The following XYLT1 variants were observed in gnomAD, a reference collection of about 807,000 sequenced individuals.
XYLT1 encodes xylosyltransferase 1.
Under a neutral mutation model 91.3 loss-of-function variants are expected in XYLT1, and 36 were observed. The observed-to-expected ratio is 0.39, with a 90% CI of 0.30 to 0.52. The LOEUF (loss-of-function observed/expected upper bound fraction) is 0.52. XYLT1 is among the 20% of genes least tolerant of loss of function. The pLI, the probability that XYLT1 is intolerant of heterozygous loss-of-function variation, is 0.68. For synonymous variants in XYLT1, 588 were observed against 532.0 expected (o/e 1.11, Z -1.45); for missense variants, 1,242 against 1,284.5 (o/e 0.97, Z 0.51).
At chr16:17,221,336 G>A (rs2032964355) in intron 3 of XYLT1, among the ~76,000 whole-genome samples, 1 of 152,136 alleles carries the variant, frequency 6.6e-6, no homozygotes, top group Non-Finnish European at 1.5e-5. Flanking sequence ...CTTACTATAT[G>A]CCGGGCATGG....
Position 17,151,064 on chromosome 16 carries a change from G to A in XYLT1, c.1370+7765C>T, listed in dbSNP as rs182286764. Reference sequence around the variant, plus strand: ...GGACATACCACCCACAAGTCCACGTGGCTTGGATATGGAGGGAAACTCCGC... The same window carrying A: ...GGACATACCACCCACAAGTCCACGTAGCTTGGATATGGAGGGAAACTCCGC... On this transcript the variant is annotated intron_variant, in intron 6 of 11. Transcript: ENST00000261381. 3.9e-5 allele frequency among the ~76,000 whole-genome samples: 6 copies of A among 152,330 alleles called. No individual in the cohort carries two copies. In the East Asian group the frequency reaches 9.7e-4, roughly 25 times the overall value.
intron 6 of XYLT1, among the ~76,000 whole-genome samples, chr16:17,145,596 C>T (rs942573988): frequency 3.3e-5 from 5 of 152,192 alleles, no homozygotes; most frequent in East Asian, 1.9e-4. Context: ...CAGTGCCAAG[C>T]GCTTGATGGG....
intron 1 of XYLT1, among the ~76,000 whole-genome samples, chr16:17,418,660 C>T (rs1206455105): frequency 6.6e-6 from 1 of 151,970 alleles, no homozygotes; most frequent in Non-Finnish European, 1.5e-5. Flanking sequence ...CCAGCCTGGG[C>T]AATATGGCAA....
intron 1 of XYLT1, among the ~76,000 whole-genome samples, chr16:17,423,515 G>T (rs2036274764): frequency 6.6e-6 from 1 of 152,158 alleles, no homozygotes; most frequent in African/African-American, 2.4e-5. Flanking sequence ...CTGTGCAGTG[G>T]CTCTGTGGGG....
At chr16:17,234,545 A>C (rs2033216126) in intron 3 of XYLT1, among the ~76,000 whole-genome samples, 1 of 152,152 alleles carries the variant, frequency 6.6e-6, no homozygotes, top group Non-Finnish European at 1.5e-5. Flanking sequence ...TAGAGAGTAG[A>C]TAAAAACAAC....
intron 1 of XYLT1, among the ~76,000 whole-genome samples, chr16:17,387,576 G>C (rs941270750): frequency 2.0e-5 from 3 of 152,120 alleles, no homozygotes; most frequent in African/African-American, 7.2e-5. Flanking sequence ...CCTGCCCAAA[G>C]ACCTGCAGTG....
At chr16:17,346,982 G>C (rs936165762) in intron 2 of XYLT1, among the ~76,000 whole-genome samples, 1 of 151,588 alleles carries the variant, frequency 6.6e-6, no homozygotes, top group African/African-American at 2.4e-5. Context: ...TTTTCAGAAA[G>C]GCAGTTGAAG....
chr16:17,291,066 C>G (rs1753455784), intron 2 of XYLT1, among the ~76,000 whole-genome samples: 1 of 152,200 alleles, frequency 6.6e-6, no homozygotes, highest in Admixed American at 6.5e-5. Context: ...TTCTGAGTAG[C>G]AAGGACTGCA....
At chr16:17,409,546 CT>C (rs35377886) in intron 1 of XYLT1, among the ~76,000 whole-genome samples, 1,546 of 117,310 alleles carry the variant, frequency 0.013, 12 homozygotes, top group South Asian at 0.024. Context: ...TATTGAGACA[CT>C]TTTTTTTTTT....
chr16:17,171,826 GC>G (rs1400440227), intron 5 of XYLT1, among the ~76,000 whole-genome samples: 1 of 152,188 alleles, frequency 6.6e-6, no homozygotes, highest in Non-Finnish European at 1.5e-5. Flanking sequence ...TTTCAATTGT[GC>G]AAAAATGGTT....
intron 3 of XYLT1, among the ~76,000 whole-genome samples, chr16:17,207,389 C>T (rs1485711678): frequency 9.9e-5 from 15 of 152,098 alleles, no homozygotes; most frequent in South Asian, 2.1e-4. Context: ...CCTGTCAGTT[C>T]GTTCCCTATG....
intron 3 of XYLT1, among the ~76,000 whole-genome samples, chr16:17,214,923 C>T (rs753218383): frequency 1.3e-5 from 2 of 152,162 alleles, no homozygotes; most frequent in Non-Finnish European, 2.9e-5. Context: ...TTCTGTTTCT[C>T]GATGCTGAGG....
chr16:17,457,094 G>A (rs1002854003), intron 1 of XYLT1, among the ~76,000 whole-genome samples: 6 of 152,074 alleles, frequency 3.9e-5, no homozygotes, highest in African/African-American at 1.2e-4. Flanking sequence ...GTTACCTCTG[G>A]GAATGAAGAC....
intron 1 of XYLT1, chr16:17,369,626 C>G (rs546963986): frequency 6.6e-6 from 1 of 152,418 alleles, no homozygotes; most frequent in East Asian, 1.9e-4. Flanking sequence ...TTCGGGATCC[C>G]GTGACTTCAC....
chr16:17,469,807 A>T lies in XYLT1; in HGVS notation c.363+627T>A, dbSNP rs148855452. Among the ~76,000 whole-genome samples, 266 of 152,254 alleles carry T rather than the reference A, an allele frequency of 1.7e-3. 1 individual carries two copies. The highest frequency in any genetic ancestry group is 6.2e-3 in the African/African-American group (256 of 41,530). On this transcript the variant is annotated intron_variant, in intron 1 of 11. Transcript: ENST00000261381. ...GATAAAGTCACAGAGGGCATGGGAG[A>T]CGGCAAGGTTAGAGACAGAGAAGGT...
chr16:17,170,562 G>A (rs2031798306), intron 5 of XYLT1, among the ~76,000 whole-genome samples: 1 of 152,134 alleles, frequency 6.6e-6, no homozygotes, highest in South Asian at 2.1e-4. Flanking sequence ...CCTTTGCCTA[G>A]AGAACTCCTG....
intron 2 of XYLT1, among the ~76,000 whole-genome samples, chr16:17,320,394 T>C (rs1339062614): frequency 1.3e-5 from 2 of 152,146 alleles, no homozygotes; most frequent in Admixed American, 6.5e-5. Flanking sequence ...TCCCAATGCT[T>C]ACATCCAAAA....
intron 3 of XYLT1, among the ~76,000 whole-genome samples, chr16:17,254,794 A>G (rs1171936637): frequency 2.0e-5 from 3 of 152,202 alleles, no homozygotes; most frequent in Non-Finnish European, 4.4e-5. Context: ...CAGTCAACAC[A>G]GGCTATTATC....
At chr16:17,241,338 C>T (rs528009590) in intron 3 of XYLT1, among the ~76,000 whole-genome samples, 3 of 152,342 alleles carry the variant, frequency 2.0e-5, no homozygotes, top group Non-Finnish European at 2.9e-5. Context: ...ATGGCAACAG[C>T]ACCTCTAAAT....
Sources: gnomAD v4.1 joint callset for allele counts (sites outside exome capture counted in the v4.1 genomes callset) on GRCh38, gnomAD v4.1.1 for gene constraint, MANE v1.5 for transcripts, NCBI Gene and HGNC (gene_info 2026-07-23, HGNC 2026-07-21) for gene names.